Variants in SLC13A3 observed in about 807,000 individuals in gnomAD.
SLC13A3 encodes the protein solute carrier family 13 member 3.
SLC13A3 carries 40 observed loss-of-function variants against 59.0 expected under a neutral mutation model. The ratio of observed to expected loss-of-function variants is 0.68; its 90% CI spans 0.53 to 0.88. The LOEUF is 0.88. Among genes scored for constraint, SLC13A3 ranks in the 40% least tolerant of loss-of-function variants. The pLI, the probability that SLC13A3 is intolerant of heterozygous loss-of-function variation, is 0.00. For synonymous variants in SLC13A3, 317 were observed against 330.3 expected, an observed-to-expected ratio of 0.96 and a Z score of 0.44; for missense variants, 699 against 783.2, an observed-to-expected ratio of 0.89 and a Z score of 1.28.
rs2061919213 is a variant in SLC13A3, at chr20:46,560,193, C to A, written c.1638G>T (p.Arg546=). The A allele has an allele frequency of 6.2e-7, 1 of 1,613,928 alleles. No homozygotes were observed. Among genetic ancestry groups the A allele is most frequent in the Admixed American group, 1.7e-5 (1 of 59,990 alleles). Residue 546 remains arginine, a synonymous_variant, in exon 13 of 13, where the codon CGG becomes CGT. Transcript: ENST00000279027. ...CCATCAGGTTCATCAGGAGGCCTGT[C>A]CGCACCTGAAATAGAGCCCAGACAG... ...SGHLLVKDMV[R]TGLLMNLMGV... is the part of the protein sequence containing the mutation.
At chr20:46,595,491 C>G (rs1275683353) in intron 5 of SLC13A3, among the ~76,000 whole-genome samples, 1 of 152,142 alleles carries the variant, frequency 6.6e-6, no homozygotes, top group Non-Finnish European at 1.5e-5. Context: ...CTGGGGGACC[C>G]TGCTTATGGT....
At chr20:46,674,685 G>C (rs2063114115), upstream of SLC13A3, among the ~76,000 whole-genome samples, 1 of 150,884 alleles carries the variant, frequency 6.6e-6, no homozygotes, top group African/African-American at 2.4e-5. Context: ...ATGGATCCTT[G>C]ATTTTCTTTC....
chr20:46,657,833 G>T (rs534979171), intron 1 of SLC13A3, among the ~76,000 whole-genome samples: 1 of 152,240 alleles, frequency 6.6e-6, no homozygotes, highest in African/African-American at 2.4e-5. Flanking sequence ...CAAGGCGCTG[G>T]GGGGAGGTGC....
intron 1 of SLC13A3, among the ~76,000 whole-genome samples, chr20:46,636,445 A>G (rs1017882254): frequency 5.9e-5 from 9 of 152,254 alleles, no homozygotes; most frequent in Admixed American, 1.3e-4. Context: ...CCTGGCACAC[A>G]GGGAACACTG....
chr20:46,639,865 G>A (rs191292950), intron 1 of SLC13A3, among the ~76,000 whole-genome samples: 1 of 152,302 alleles, frequency 6.6e-6, no homozygotes, highest in East Asian at 1.9e-4. Flanking sequence ...TCACCTCTGG[G>A]TCATACTGCA....
intron 12 of SLC13A3, among the ~76,000 whole-genome samples, chr20:46,562,504 C>T (rs1263904912): frequency 6.6e-6 from 1 of 152,168 alleles, no homozygotes; most frequent in African/African-American, 2.4e-5. Context: ...CCCTCTCCCC[C>T]GTCCTCTTAC....
chr20:46,657,007 CT>C (rs1006591016), intron 1 of SLC13A3, among the ~76,000 whole-genome samples: 14 of 152,048 alleles, frequency 9.2e-5, no homozygotes, highest in Admixed American at 5.2e-4. Context: ...AGGTTTTCTA[CT>C]TTTTTCGTTT....
chr20:46,626,833 C>G (rs542595801), intron 1 of SLC13A3, among the ~76,000 whole-genome samples: 2 of 152,172 alleles, frequency 1.3e-5, no homozygotes, highest in Non-Finnish European at 2.9e-5. Context: ...GCAGGCCAGG[C>G]CTTTTCCCCC....
At chr20:46,606,614 G>A (rs1391843839) in intron 3 of SLC13A3, among the ~76,000 whole-genome samples, 1 of 152,236 alleles carries the variant, frequency 6.6e-6, no homozygotes, top group Non-Finnish European at 1.5e-5. Flanking sequence ...CGAGGCTAGA[G>A]GATCACTTGA....
intron 6 of SLC13A3, among the ~76,000 whole-genome samples, chr20:46,589,908 G>T (rs1183861186): frequency 6.6e-6 from 1 of 152,196 alleles, no homozygotes; most frequent in South Asian, 2.1e-4. Flanking sequence ...AGAAGAAAAG[G>T]CAGGGGTAAA....
chr20:46,641,874 C>T (rs2062848758), intron 1 of SLC13A3, among the ~76,000 whole-genome samples: 1 of 152,196 alleles, frequency 6.6e-6, no homozygotes, highest in African/African-American at 2.4e-5. Flanking sequence ...ATACTCCCTA[C>T]CACCTCTTTT....
chr20:46,581,005 C>T (rs2062131010), intron 9 of SLC13A3, among the ~76,000 whole-genome samples: 1 of 152,346 alleles, frequency 6.6e-6, no homozygotes, highest in East Asian at 1.9e-4. Flanking sequence ...GACTGCAGCA[C>T]TGCCTCTGAG....
chr20:46,559,770 G>A lies in SLC13A3; in HGVS notation c.*252C>T. On this transcript the variant is annotated 3_prime_UTR_variant, in exon 13 of 13. Transcript: ENST00000279027. Reference sequence around the variant, plus strand: ...TGTCTTGTATCCTAATGATAAAACAGCTAACTGATAAAGGAGCTTATTTCT... The same window carrying A: ...TGTCTTGTATCCTAATGATAAAACAACTAACTGATAAAGGAGCTTATTTCT... The A allele has an allele frequency of 4.4e-6, 2 of 456,510 alleles. No homozygotes were observed. Among genetic ancestry groups the A allele is most frequent in the Non-Finnish European group, 7.9e-6 (2 of 252,960 alleles). 28.3% of individuals were successfully genotyped at this position (456,510 alleles called of 1,614,324 possible). A position where few individuals can be genotyped will look rare whatever the true frequency, so the allele number is the denominator to read the frequency against.
At chr20:46,646,353 G>A (rs2062894293) in intron 1 of SLC13A3, among the ~76,000 whole-genome samples, 1 of 152,166 alleles carries the variant, frequency 6.6e-6, no homozygotes, top group Non-Finnish European at 1.5e-5. Context: ...ATTTTTGTTT[G>A]AACTTCCTAC....
intron 10 of SLC13A3, among the ~76,000 whole-genome samples, chr20:46,568,210 A>G (rs1017402434): frequency 1.3e-4 from 19 of 151,948 alleles, no homozygotes; most frequent in African/African-American, 4.6e-4. Context: ...ACTGGCTAAC[A>G]TGGTGAAACC....
intron 1 of SLC13A3, among the ~76,000 whole-genome samples, chr20:46,624,330 CACTGCCCAAACA>C (rs1263891028): frequency 5.9e-5 from 9 of 152,234 alleles, no homozygotes; most frequent in African/African-American, 2.2e-4. Flanking sequence ...ATGTGGCAGA[CACTGCCCAAACA>C]ACTGTACCTG....
intron 1 of SLC13A3, among the ~76,000 whole-genome samples, chr20:46,630,614 T>C (rs1368639595): frequency 6.6e-6 from 1 of 152,222 alleles, no homozygotes; most frequent in African/African-American, 2.4e-5. Context: ...TTGTTGCTTT[T>C]GTGGTTGTTT....
At chr20:46,657,558 G>A (rs565604930) in intron 1 of SLC13A3, among the ~76,000 whole-genome samples, 3 of 152,242 alleles carry the variant, frequency 2.0e-5, no homozygotes, top group South Asian at 2.1e-4. Context: ...ACTACAAGAC[G>A]AAAGTAGAAG....
chr20:46,621,285 T>C (rs916783555), intron 1 of SLC13A3, among the ~76,000 whole-genome samples: 2 of 151,766 alleles, frequency 1.3e-5, no homozygotes, highest in Non-Finnish European at 2.9e-5. Context: ...GGGGAATCAT[T>C]AGGCATCTGT....
Sources: allele counts gnomAD v4.1 joint callset (sites outside exome capture counted in the v4.1 genomes callset), GRCh38; gene constraint gnomAD v4.1.1; transcripts MANE v1.5; gene names NCBI Gene and HGNC (gene_info 2026-07-23, HGNC 2026-07-21).